CDH18: variants seen among roughly 807,000 people sequenced by gnomAD.
CDH18 encodes the protein cadherin 18, also known as cadherin-18.
A neutral mutation model predicts 67.9 loss-of-function variants in CDH18; 31 were observed. The ratio of observed to expected loss-of-function variants is 0.46; its 90% CI spans 0.34 to 0.62. The LOEUF (loss-of-function observed/expected upper bound fraction) is 0.62. Ranked by LOEUF, CDH18 falls within the 20% of genes least tolerant of loss-of-function variation. The pLI is 0.01. For synonymous variants in CDH18, 362 were observed against 347.2 expected, an observed-to-expected ratio of 1.04 and a Z score of -0.48; for missense variants, 890 against 975.5, an observed-to-expected ratio of 0.91 and a Z score of 1.17.
chr5:20,379,415 G>A (rs1436810338), intron 1 of CDH18, among the ~76,000 whole-genome samples: 3 of 152,086 alleles, frequency 2.0e-5, no homozygotes, highest in Non-Finnish European at 4.4e-5. Context: ...GTATCATATT[G>A]TCAGCCTCAA....
chr5:20,233,230 T>C (rs1383713604), intron 2 of CDH18, among the ~76,000 whole-genome samples: 1 of 151,056 alleles, frequency 6.6e-6, no homozygotes, highest in Non-Finnish European at 1.5e-5. Context: ...GTAATATACA[T>C]TTACTATATA....
At chr5:19,775,100 A>C (rs1160785088) in intron 3 of CDH18, among the ~76,000 whole-genome samples, 1 of 152,272 alleles carries the variant, frequency 6.6e-6, no homozygotes, top group South Asian at 2.1e-4. Context: ...CAGCAGGGGC[A>C]GCAGTGAATG....
At chr5:20,393,486 C>A (rs1400583005) in intron 1 of CDH18, among the ~76,000 whole-genome samples, 1 of 151,980 alleles carries the variant, frequency 6.6e-6, no homozygotes. Flanking sequence ...AACTCACCAA[C>A]TTCCTGATGC....
At chr5:20,261,276 G>T (rs1744627937) in intron 1 of CDH18, among the ~76,000 whole-genome samples, 1 of 151,840 alleles carries the variant, frequency 6.6e-6, no homozygotes, top group African/African-American at 2.4e-5. Flanking sequence ...CAAAAACCTG[G>T]AAAATAAATT....
intron 1 of CDH18, among the ~76,000 whole-genome samples, chr5:20,500,777 G>A (rs1754204277): frequency 6.6e-6 from 1 of 152,180 alleles, no homozygotes; most frequent in African/African-American, 2.4e-5. Context: ...AAGATGAAGT[G>A]TTGACATATA....
intron 1 of CDH18, among the ~76,000 whole-genome samples, chr5:20,479,555 GA>G (rs1026003922): frequency 1.3e-5 from 2 of 151,966 alleles, no homozygotes; most frequent in Admixed American, 6.6e-5. Flanking sequence ...CAGGCTATTT[GA>G]AAATACACAG....
intron 5 of CDH18, among the ~76,000 whole-genome samples, chr5:19,664,664 C>T (rs542279403): frequency 5.9e-4 from 89 of 151,960 alleles, no homozygotes; most frequent in Non-Finnish European, 1.2e-3. Flanking sequence ...CATCAAAAAT[C>T]CTGGTGCCAG....
chr5:19,543,401 G>T (rs1320207840), intron 9 of CDH18, among the ~76,000 whole-genome samples: 1 of 152,036 alleles, frequency 6.6e-6, no homozygotes, highest in Non-Finnish European at 1.5e-5. Flanking sequence ...GAAATTCCAA[G>T]AATTATTCTT....
chr5:19,856,640 G>A (rs1784312543), intron 2 of CDH18, among the ~76,000 whole-genome samples: 1 of 151,908 alleles, frequency 6.6e-6, no homozygotes, highest in African/African-American at 2.4e-5. Context: ...GCTAGCATGA[G>A]CCCTACTTCA....
intron 2 of CDH18, among the ~76,000 whole-genome samples, chr5:20,142,058 A>G (rs1177472124): frequency 6.6e-6 from 1 of 152,046 alleles, no homozygotes; most frequent in South Asian, 2.1e-4. Context: ...AAATATAAAT[A>G]AGGACAGAAA....
intron 1 of CDH18, among the ~76,000 whole-genome samples, chr5:20,271,743 G>C (rs988803923): frequency 6.6e-6 from 1 of 152,034 alleles, no homozygotes; most frequent in East Asian, 1.9e-4. Context: ...CTTACATCTT[G>C]AGTTGGATTT....
intron 2 of CDH18, among the ~76,000 whole-genome samples, chr5:20,057,392 A>G (rs1742088539): frequency 6.6e-6 from 1 of 152,178 alleles, no homozygotes; most frequent in African/African-American, 2.4e-5. Flanking sequence ...TTGTTATACA[A>G]TTTAGACAGA....
intron 2 of CDH18, among the ~76,000 whole-genome samples, chr5:20,082,874 T>C (rs912597837): frequency 6.6e-6 from 1 of 152,120 alleles, no homozygotes; most frequent in Non-Finnish European, 1.5e-5. Context: ...ATGGAACAGA[T>C]TCCTCCCCAC....
chr5:19,858,746 T>C (rs1784555562), intron 2 of CDH18, among the ~76,000 whole-genome samples: 1 of 152,154 alleles, frequency 6.6e-6, no homozygotes, highest in Non-Finnish European at 1.5e-5. Flanking sequence ...TGATCTAAAA[T>C]GAAATTATTA....
intron 5 of CDH18, among the ~76,000 whole-genome samples, chr5:19,712,531 T>C (rs1764830220): frequency 1.3e-5 from 2 of 151,756 alleles, no homozygotes; most frequent in South Asian, 2.1e-4. Flanking sequence ...ACCACTGAAG[T>C]GTAAATTTGT....
At chr5:19,594,864 A>T (rs974532443) in intron 6 of CDH18, among the ~76,000 whole-genome samples, 4 of 152,182 alleles carry the variant, frequency 2.6e-5, no homozygotes, top group Non-Finnish European at 5.9e-5. Context: ...TGCTTTTCCA[A>T]TAAGATCAGG....
intron 3 of CDH18, among the ~76,000 whole-genome samples, chr5:19,761,107 C>T (rs188222557): frequency 5.9e-4 from 90 of 152,206 alleles, no homozygotes; most frequent in African/African-American, 2.0e-3. Flanking sequence ...AGATACCTGG[C>T]GAGGTCGTGC....
At position 20,505,248 on chromosome 5, in the gene CDH18, T is replaced by A. The variant is rs564187157; in HGVS notation, c.-580+70214A>T. ...AAACAGAAAAATAACATGATTATAT[T>A]TGATGTTTTTAAAGTGCTCTCTAGG... On this transcript the variant is annotated intron_variant, in intron 1 of 14. Transcript: ENST00000507958. Among the ~76,000 whole-genome samples, 7 of 152,278 alleles carry A rather than the reference T, an allele frequency of 4.6e-5. No individual in the cohort carries two copies. The South Asian group carries it at 1.5e-3, about 32-fold the overall frequency.
At chr5:20,420,730 A>G (rs1279872630) in intron 1 of CDH18, among the ~76,000 whole-genome samples, 2 of 151,370 alleles carry the variant, frequency 1.3e-5, no homozygotes, top group East Asian at 1.9e-4. Flanking sequence ...ACAAGAAACT[A>G]TTGAATCTTT....
Sources: gnomAD v4.1 joint callset for allele counts (sites outside exome capture counted in the v4.1 genomes callset) on GRCh38, gnomAD v4.1.1 for gene constraint, MANE v1.5 for transcripts, NCBI Gene and HGNC (gene_info 2026-07-23, HGNC 2026-07-21) for gene names.